Variants in FCHO2 observed in about 807,000 individuals in gnomAD.
FCHO2 encodes F-BAR domain only protein 2.
A neutral mutation model predicts 114.1 loss-of-function variants in FCHO2; 43 were observed. The observed-to-expected ratio is 0.38, with a 90% CI of 0.30 to 0.49. The LOEUF is 0.49. FCHO2 is among the 20% of genes least tolerant of loss of function. The pLI is 0.97. For synonymous variants in FCHO2, 293 were observed against 315.2 expected, an observed-to-expected ratio of 0.93 and a Z score of 0.75; for missense variants, 807 against 950.4, an observed-to-expected ratio of 0.85 and a Z score of 1.98.
chr5:72,957,735 T>G (rs940399526), intron 1 of FCHO2, among the ~76,000 whole-genome samples: 4 of 152,208 alleles, frequency 2.6e-5, no homozygotes, highest in Non-Finnish European at 4.4e-5. Flanking sequence ...TAGCTCTATG[T>G]TTAACATTTT....
chr5:73,079,519 A>G (rs1048356582), intron 22 of FCHO2, among the ~76,000 whole-genome samples: 1 of 152,182 alleles, frequency 6.6e-6, no homozygotes, highest in Non-Finnish European at 1.5e-5. Context: ...CACTTGAGAA[A>G]AAAATTAAGG....
intron 8 of FCHO2, chr5:73,021,171 A>T: frequency 1.3e-6 from 1 of 774,154 alleles, no homozygotes. Context: ...TCCTTTGTCC[A>T]GGCTGGTGAA....
At chr5:72,960,019 A>G (rs1035642469) in intron 1 of FCHO2, among the ~76,000 whole-genome samples, 6 of 152,206 alleles carry the variant, frequency 3.9e-5, no homozygotes, top group African/African-American at 1.4e-4. Flanking sequence ...GGCTCAAGCC[A>G]TGTTTCCGCC....
At chr5:73,070,029 A>G (rs1568712) in intron 19 of FCHO2, among the ~76,000 whole-genome samples, 45,272 of 152,020 alleles carry the variant, frequency 0.3, 6,969 homozygotes, top group East Asian at 0.44. Flanking sequence ...ATTCAGTAGT[A>G]GTCAAAGTGT....
rs982495323 is a variant in FCHO2, at chr5:73,038,204, A to G, written c.914+989A>G. The G allele has an allele frequency of 2.0e-5, 3 of 152,450 alleles. No individual in the cohort carries two copies. The East Asian group carries it at 5.8e-4, about 29-fold the overall frequency. The allele number at this position is 152,450 out of a possible 1,614,324, so 9.4% of individuals were successfully genotyped here. A position where few individuals can be genotyped will look rare whatever the true frequency, so the allele number is the denominator to read the frequency against. ...GCTACACATTAGAACTACCTGGGAA[A>G]TTAAAATAAATACACCTATGCCAGG... is the stretch of plus-strand genomic sequence containing the variant. On this transcript the variant is annotated intron_variant, in intron 10 of 25. Transcript: ENST00000430046.
chr5:73,016,279 T>C (rs987843400), intron 7 of FCHO2, among the ~76,000 whole-genome samples: 6 of 151,586 alleles, frequency 4.0e-5, no homozygotes, highest in Non-Finnish European at 1.5e-5. Flanking sequence ...GGAGACCTCA[T>C]CTCTACACAA....
intron 20 of FCHO2, among the ~76,000 whole-genome samples, chr5:73,075,072 A>G (rs189966869): frequency 6.6e-6 from 1 of 152,258 alleles, no homozygotes; most frequent in East Asian, 1.9e-4. Flanking sequence ...TATTATTTCT[A>G]AGACTCTGTT....
At chr5:73,021,139 T>G in intron 8 of FCHO2, 1 of 780,438 alleles carries the variant, frequency 1.3e-6, no homozygotes. Context: ...CAGGAAATCT[T>G]CATGGCTGAG....
At chr5:73,001,388 G>A (rs1754424114) in intron 5 of FCHO2, among the ~76,000 whole-genome samples, 1 of 147,292 alleles carries the variant, frequency 6.8e-6, no homozygotes, top group Non-Finnish European at 1.5e-5. Context: ...GGTTGAGGCT[G>A]CAGTGAGCCA....
intron 8 of FCHO2, chr5:73,020,707 A>G: frequency 8.3e-7 from 1 of 1,210,878 alleles, no homozygotes; most frequent in Admixed American, 1.7e-5. Context: ...TTAGTGAAGA[A>G]ATTGGATGCT....
intron 10 of FCHO2, among the ~76,000 whole-genome samples, chr5:73,040,335 A>G (rs1428448319): frequency 6.6e-6 from 1 of 152,166 alleles, no homozygotes; most frequent in Admixed American, 6.5e-5. Context: ...GCATCCTGTT[A>G]GTGTTCAAAA....
In FCHO2 at chr5:72,997,361, A is replaced by G. The variant is rs1754176131; in HGVS notation, c.495+6497A>G. ...AGATAAACTGGACAATAGCAGAAGCATTCTTAAGACGAGATACTACGGACA... is the reference window on the plus strand; with the variant it reads ...AGATAAACTGGACAATAGCAGAAGCGTTCTTAAGACGAGATACTACGGACA... On this transcript the variant is annotated intron_variant, in intron 5 of 25. Transcript: ENST00000430046. 4.4e-6 allele frequency: 7 copies of G among 1,592,702 alleles called. No individual in the cohort carries two copies. In the Admixed American group the frequency reaches 5.0e-5, roughly 11 times the overall value.
chr5:73,033,940 A>G (rs757213240), intron 8 of FCHO2, among the ~76,000 whole-genome samples: 3 of 152,128 alleles, frequency 2.0e-5, no homozygotes, highest in African/African-American at 7.2e-5. Context: ...TCTACAATCT[A>G]TCTCTCATAG....
rs146725664 is a variant in FCHO2, at chr5:73,031,626, G to A, written c.797-3031G>A. ...TAGGTTTGAATGGATTCTTTAGGTTGATGGCTTTTCTTATAGCATTTATTT... is the reference window on the plus strand; with the variant it reads ...TAGGTTTGAATGGATTCTTTAGGTTAATGGCTTTTCTTATAGCATTTATTT... On this transcript the variant is annotated intron_variant, in intron 8 of 25. Transcript: ENST00000430046. Among the ~76,000 whole-genome samples the A allele has an allele frequency of 1.8e-3, 271 of 152,228 alleles. 2 individuals are homozygous for A. The highest frequency in any genetic ancestry group is 6.3e-3 in the African/African-American group (260 of 41,546).
At chr5:73,080,945 T>C (rs1743071988) in intron 22 of FCHO2, among the ~76,000 whole-genome samples, 2 of 151,968 alleles carry the variant, frequency 1.3e-5, no homozygotes, top group African/African-American at 4.8e-5. Context: ...ACCCCATCTC[T>C]ACAAAAAATG....
chr5:73,052,970 T>C (rs1483787483), intron 13 of FCHO2: 1 of 152,452 alleles, frequency 6.6e-6, no homozygotes, highest in Non-Finnish European at 1.5e-5. Flanking sequence ...TTCTTAGTGG[T>C]AATAGTTAAT....
At chr5:73,068,844 A>G (rs929418458) in intron 19 of FCHO2, 65 bp downstream of exon 19, 8 of 1,486,806 alleles carry the variant, frequency 5.4e-6, no homozygotes, top group Non-Finnish European at 7.2e-6. Flanking sequence ...CTAAATATGT[A>G]TATATTTTTA....
intron 8 of FCHO2, among the ~76,000 whole-genome samples, chr5:73,026,008 A>G (rs543017589): frequency 6.6e-4 from 101 of 152,348 alleles, no homozygotes; most frequent in African/African-American, 2.1e-3. Flanking sequence ...AAAAATTTGT[A>G]TACATAGCTG....
chr5:72,979,896 C>A (rs1378713718), intron 2 of FCHO2, among the ~76,000 whole-genome samples: 1 of 152,122 alleles, frequency 6.6e-6, no homozygotes, highest in Admixed American at 6.5e-5. Context: ...AAAAAACCAG[C>A]TCCTGGATTC....
Sources: gnomAD v4.1 joint callset for allele counts (sites outside exome capture counted in the v4.1 genomes callset) on GRCh38, gnomAD v4.1.1 for gene constraint, MANE v1.5 for transcripts, NCBI Gene and HGNC (gene_info 2026-07-23, HGNC 2026-07-21) for gene names.